MYCBP2: variants seen among roughly 807,000 people sequenced by gnomAD.
MYCBP2 encodes MYC binding protein 2.
A neutral mutation model predicts 525.3 loss-of-function variants in MYCBP2; 120 were observed. The observed-to-expected ratio is 0.23, with a 90% CI of 0.20 to 0.27. The LOEUF is 0.27. MYCBP2 is among the 10% of genes least tolerant of loss of function. MYCBP2 has a pLI of 1.00. For missense variants in MYCBP2, 4,149 were observed against 5,657.1 expected, an observed-to-expected ratio of 0.73 and a Z score of 8.55; for synonymous variants, 1,894 against 1,955.8, an observed-to-expected ratio of 0.97 and a Z score of 0.83.
chr13:77,177,980 C>T (rs547203731), intron 34 of MYCBP2, 26 bp from the exon 35 acceptor site: 2 of 1,398,880 alleles, frequency 1.4e-6, no homozygotes, highest in East Asian at 4.6e-5. Flanking sequence ...GCAATTGTAT[C>T]AGTAGTTGGT....
chr13:77,134,589 A>G (rs1430654805), intron 52 of MYCBP2, among the ~76,000 whole-genome samples: 1 of 152,018 alleles, frequency 6.6e-6, no homozygotes, highest in Non-Finnish European at 1.5e-5. Flanking sequence ...TAACAAAAAA[A>G]AAAAGGAAAA....
chr13:77,150,589 A>C (rs2056320092), intron 47 of MYCBP2, 145 bp downstream of exon 47: 2 of 668,954 alleles, frequency 3.0e-6, no homozygotes, highest in East Asian at 5.4e-5. Context: ...GGATAACATC[A>C]TCTTAATAAG....
At chr13:77,072,957 T>C (rs1486548001) in intron 68 of MYCBP2, among the ~76,000 whole-genome samples, 3 of 152,176 alleles carry the variant, frequency 2.0e-5, no homozygotes, top group Non-Finnish European at 4.4e-5. Flanking sequence ...TGTTTACCTC[T>C]TTCATCATTT....
Position 77,064,638 on chromosome 13 carries a change from C to T in MYCBP2, c.12649G>A (p.Val4217Met). 3 of 1,612,824 alleles carry T rather than the reference C, an allele frequency of 1.9e-6. No individual in the cohort carries two copies. Among genetic ancestry groups the T allele is most frequent in the African/African-American group, 1.3e-5 (1 of 74,974 alleles). Residue 4217 changes from valine (V) to methionine (M), a missense_variant, in exon 73 of 83, where the codon GTG becomes ATG. Around this residue, in one of 21 missense-constraint regions of MYCBP2, gnomAD observed 148 missense variants for 179.4 expected, o/e 0.82. Coordinates refer to ENST00000544440, the MANE Select transcript of MYCBP2 (RefSeq NM_015057.5). ...TKMEEEFRSPVRCIATTRLWL... is the reference protein window; with the variant it reads ...TKMEEEFRSPMRCIATTRLWL... ...ACTCTAGTTGTTGCAATACATCTCA[C>T]TGGAGACCTAAATTCTTCTTCCATC...
At chr13:77,170,432 C>T (rs759151439) in intron 38 of MYCBP2, among the ~76,000 whole-genome samples, 24 of 152,164 alleles carry the variant, frequency 1.6e-4, no homozygotes, top group Non-Finnish European at 3.1e-4. Context: ...ACAGGCTGCA[C>T]ACTTATTTAA....
chr13:77,162,877 A>G (rs1006124165), intron 43 of MYCBP2, among the ~76,000 whole-genome samples: 3 of 152,114 alleles, frequency 2.0e-5, no homozygotes, highest in Admixed American at 6.6e-5. Flanking sequence ...GGATGGTCTC[A>G]ATTTCCTGAC....
At chr13:77,090,002 C>T in intron 60 of MYCBP2, 104 bp downstream of exon 60, 1 of 991,096 alleles carries the variant, frequency 1.0e-6, no homozygotes, top group Non-Finnish European at 1.4e-6. Flanking sequence ...TATCCCATGC[C>T]TTTTCCTTCA....
At chr13:77,311,578 T>G (rs891786347) in intron 1 of MYCBP2, among the ~76,000 whole-genome samples, 8 of 146,222 alleles carry the variant, frequency 5.5e-5, no homozygotes, top group Admixed American at 2.7e-4. Flanking sequence ...TTTTTTTTTT[T>G]GTTTTTTTTT....
intron 10 of MYCBP2, among the ~76,000 whole-genome samples, chr13:77,263,292 C>T (rs536244172): frequency 5.9e-5 from 9 of 151,832 alleles, no homozygotes; most frequent in Admixed American, 2.0e-4. Context: ...ACATTTACAA[C>T]GTAAGTTTTC....
At chr13:77,121,298 A>G in intron 55 of MYCBP2, 75 bp downstream of exon 55, 1 of 1,274,824 alleles carries the variant, frequency 7.8e-7, no homozygotes, top group Non-Finnish European at 1.0e-6. Context: ...GAACACAAAT[A>G]AAAAGTGTAT....
intron 7 of MYCBP2, 117 bp downstream of exon 7, chr13:77,269,875 T>C (rs1416491450): frequency 2.5e-6 from 2 of 795,478 alleles, no homozygotes; most frequent in Non-Finnish European, 4.1e-6. Flanking sequence ...ATGGCCATAT[T>C]AGTAAAAATA....
At chr13:77,072,417 T>G (rs2041535686) in intron 68 of MYCBP2, among the ~76,000 whole-genome samples, 1 of 151,962 alleles carries the variant, frequency 6.6e-6, no homozygotes, top group African/African-American at 2.4e-5. Flanking sequence ...ATGTAGTGCT[T>G]AGAAGAAAAT....
chr13:77,259,912 C>G (rs991801657), intron 13 of MYCBP2, among the ~76,000 whole-genome samples: 1 of 152,164 alleles, frequency 6.6e-6, no homozygotes, highest in Admixed American at 6.5e-5. Flanking sequence ...TTCTACCCCT[C>G]ATATCCACTT....
intron 44 of MYCBP2, among the ~76,000 whole-genome samples, chr13:77,160,602 T>C (rs965107095): frequency 6.6e-6 from 1 of 152,204 alleles, no homozygotes; most frequent in African/African-American, 2.4e-5. Flanking sequence ...AATTGTAAGA[T>C]GCAAGACCTA....
chr13:77,053,500 T>C (rs1245052220), intron 80 of MYCBP2, among the ~76,000 whole-genome samples: 1 of 152,184 alleles, frequency 6.6e-6, no homozygotes, highest in African/African-American at 2.4e-5. Flanking sequence ...TAAACGGTCG[T>C]TCACCAGCTA....
At chr13:77,247,954 T>G (rs1594312634) in intron 15 of MYCBP2, among the ~76,000 whole-genome samples, 1 of 151,416 alleles carries the variant, frequency 6.6e-6, no homozygotes, top group South Asian at 2.1e-4. Context: ...CAAAAAACTC[T>G]TAGAAGAAAA....
At chr13:77,089,455 A>G (rs2044972774) in intron 60 of MYCBP2, among the ~76,000 whole-genome samples, 1 of 152,108 alleles carries the variant, frequency 6.6e-6, no homozygotes, top group South Asian at 2.1e-4. Flanking sequence ...GTTTTTCTTA[A>G]AAGTCTTCAG....
At chr13:77,261,054 A>C in intron 12 of MYCBP2, 117 bp downstream of exon 12, 1 of 713,666 alleles carries the variant, frequency 1.4e-6, no homozygotes, top group Non-Finnish European at 2.3e-6. Context: ...TCAATGATAT[A>C]TATATAAAGT....
intron 26 of MYCBP2, among the ~76,000 whole-genome samples, chr13:77,199,445 G>C (rs1378586847): frequency 2.6e-5 from 4 of 152,324 alleles, no homozygotes; most frequent in Admixed American, 6.5e-5. Context: ...CAAACTGCAA[G>C]GCGGCAGCGA....
Sources: allele counts gnomAD v4.1 joint callset (sites outside exome capture counted in the v4.1 genomes callset), GRCh38; gene constraint gnomAD v4.1.1; regional missense constraint gnomAD v4.1.1; transcripts MANE v1.5; gene names NCBI Gene and HGNC (gene_info 2026-07-23, HGNC 2026-07-21).